The following TRPC5 variants were observed in gnomAD, a reference collection of about 807,000 sequenced individuals.
TRPC5 encodes the protein short transient receptor potential channel 5.
A neutral mutation model predicts 56.5 loss-of-function variants in TRPC5; 9 were observed. The ratio of observed to expected loss-of-function variants is 0.16; its 90% CI spans 0.10 to 0.28. TRPC5 has a LOEUF of 0.28. Ranked by LOEUF, TRPC5 falls within the 10% of genes least tolerant of loss-of-function variation. TRPC5 has a pLI of 1.00. For synonymous variants in TRPC5, 282 were observed against 278.5 expected (o/e 1.01, Z -0.13); for missense variants, 469 against 748.9 (o/e 0.63, Z 4.36).
chrX:112,032,673 G>C (rs1413163236), intron 1 of TRPC5, among the ~76,000 whole-genome samples: 2 of 112,092 alleles, frequency 1.8e-5, no homozygotes, highest in African/African-American at 6.5e-5. Flanking sequence ...GCATTTCTAT[G>C]TTTAACTTCC....
chrX:111,791,494 A>G (rs1288323242), intron 7 of TRPC5, among the ~76,000 whole-genome samples: 1 of 112,349 alleles, frequency 8.9e-6, no homozygotes, highest in African/African-American at 3.2e-5. Context: ...AACTCTTTCC[A>G]TAATGAAAGG....
intron 2 of TRPC5, among the ~76,000 whole-genome samples, chrX:111,934,246 T>G (rs1926501672): frequency 9.2e-6 from 1 of 109,055 alleles, no homozygotes; most frequent in Non-Finnish European, 1.9e-5. Flanking sequence ...TTTGTTTTGT[T>G]TTGTTCTGTT....
intron 2 of TRPC5, among the ~76,000 whole-genome samples, chrX:111,951,064 T>C (rs769068616): frequency 9.0e-6 from 1 of 111,700 alleles, no homozygotes; most frequent in African/African-American, 3.2e-5. Flanking sequence ...TGGGATATTA[T>C]TGCTCGGGAT....
intron 1 of TRPC5, among the ~76,000 whole-genome samples, chrX:112,039,756 G>A (rs1460462156): frequency 9.0e-6 from 1 of 111,588 alleles, no homozygotes; most frequent in Non-Finnish European, 1.9e-5. Flanking sequence ...CAGGGACAAC[G>A]AAAACAGCAG....
chrX:111,950,748 G>A (rs1252368172), intron 2 of TRPC5, among the ~76,000 whole-genome samples: 1 of 112,232 alleles, frequency 8.9e-6, no homozygotes, highest in Non-Finnish European at 1.9e-5. Flanking sequence ...AGAGTCCAAA[G>A]ATAATCATTT....
chrX:111,798,232 T>C (rs1921172277), intron 7 of TRPC5, among the ~76,000 whole-genome samples: 1 of 111,804 alleles, frequency 8.9e-6, no homozygotes, highest in East Asian at 2.8e-4. Flanking sequence ...AAAGATGAAG[T>C]ATTAAATCAC....
chrX:111,872,307 T>A (rs1684077624), intron 3 of TRPC5, among the ~76,000 whole-genome samples: 2 of 112,143 alleles, frequency 1.8e-5, no homozygotes, highest in South Asian at 3.7e-4. Flanking sequence ...TGCCAATTAC[T>A]GGCTTAGAAT....
At chrX:111,991,015 A>G (rs773444543) in intron 1 of TRPC5, among the ~76,000 whole-genome samples, 36 of 112,024 alleles carry the variant, frequency 3.2e-4, no homozygotes, top group African/African-American at 9.1e-4. Flanking sequence ...TTGCCACTGA[A>G]TGAGGTAAAA....
intron 2 of TRPC5, among the ~76,000 whole-genome samples, chrX:111,944,686 A>G (rs1222448275): frequency 9.0e-6 from 1 of 111,437 alleles, no homozygotes; most frequent in Admixed American, 9.6e-5. Flanking sequence ...AGATTTAGGT[A>G]AAGAGACACA....
chrX:111,864,353 AC>A (rs2148590736), intron 3 of TRPC5, among the ~76,000 whole-genome samples: 1 of 112,241 alleles, frequency 8.9e-6, no homozygotes, highest in South Asian at 3.7e-4. Flanking sequence ...CTATTATTTG[AC>A]CCAATTGTTA....
At chrX:111,931,484 AT>A (rs1455240505) in intron 2 of TRPC5, among the ~76,000 whole-genome samples, 5 of 112,100 alleles carry the variant, frequency 4.5e-5, no homozygotes, top group Non-Finnish European at 9.4e-5. Flanking sequence ...ACGTATCTTC[AT>A]TTTGCTTGGG....
intron 1 of TRPC5, among the ~76,000 whole-genome samples, chrX:112,063,612 G>A (rs1295529204): frequency 8.9e-6 from 1 of 111,795 alleles, no homozygotes; most frequent in Non-Finnish European, 1.9e-5. Flanking sequence ...GGCACAGGAA[G>A]ACATTTTTCC....
At chrX:111,793,548 TAAC>T (rs749375990) in intron 7 of TRPC5, among the ~76,000 whole-genome samples, 3 of 111,522 alleles carry the variant, frequency 2.7e-5, no homozygotes, top group Non-Finnish European at 5.6e-5. Flanking sequence ...AGACAGATAA[TAAC>T]AACTGTTTGT....
intron 2 of TRPC5, among the ~76,000 whole-genome samples, chrX:111,928,701 A>G (rs1476328023): frequency 8.9e-6 from 1 of 111,882 alleles, no homozygotes; most frequent in Non-Finnish European, 1.9e-5. Context: ...TTCTCACTGT[A>G]TGCTCTTAGG....
At chrX:111,968,897 A>G (rs1349705938) in intron 1 of TRPC5, among the ~76,000 whole-genome samples, 7 of 106,066 alleles carry the variant, frequency 6.6e-5, no homozygotes, top group African/African-American at 2.1e-4. Flanking sequence ...AATGGGTGCA[A>G]CACACCAACA....
intron 1 of TRPC5, among the ~76,000 whole-genome samples, chrX:111,995,198 C>T (rs989620145): frequency 9.0e-6 from 1 of 111,701 alleles, no homozygotes; most frequent in Non-Finnish European, 1.9e-5. Context: ...TTGTCAAAGG[C>T]CTTTTCTGCA....
intron 6 of TRPC5, among the ~76,000 whole-genome samples, chrX:111,843,946 GAC>G (rs1303127588): frequency 7.7e-4 from 80 of 103,310 alleles, no homozygotes; most frequent in Middle Eastern, 4.8e-3. Flanking sequence ...ATGAGAGAGA[GAC>G]AGAGAGAGAA....
intron 2 of TRPC5, among the ~76,000 whole-genome samples, chrX:111,937,187 A>G (rs1386894737): frequency 2.9e-5 from 3 of 104,685 alleles, no homozygotes; most frequent in Non-Finnish European, 3.9e-5. Context: ...TTTTTGATGG[A>G]GTTGTTTGTT....
At chrX:112,035,400 CT>C (rs1430640061) in intron 1 of TRPC5, among the ~76,000 whole-genome samples, 1 of 109,345 alleles carries the variant, frequency 9.1e-6, no homozygotes, top group African/African-American at 3.3e-5. Flanking sequence ...TCAGTTAAGT[CT>C]TCTGTTTCTT....
Sources: gnomAD v4.1 joint callset for allele counts (sites outside exome capture counted in the v4.1 genomes callset) on GRCh38, gnomAD v4.1.1 for gene constraint, MANE v1.5 for transcripts, NCBI Gene and HGNC (gene_info 2026-07-23, HGNC 2026-07-21) for gene names.